The following MED25 variants were observed in gnomAD, a reference collection of about 807,000 sequenced individuals.
MED25 encodes the protein mediator of RNA polymerase II transcription subunit 25.
Under a neutral mutation model 89.4 loss-of-function variants are expected in MED25, and 62 were observed. The ratio of observed to expected loss-of-function variants is 0.69; its 90% CI spans 0.57 to 0.86. MED25 has a LOEUF of 0.86. Among genes scored for constraint, MED25 ranks in the 40% least tolerant of loss-of-function variants. The pLI, the probability that MED25 is intolerant of heterozygous loss-of-function variation, is 0.00. For synonymous variants in MED25, 449 were observed against 427.9 expected (o/e 1.05, Z -0.61); for missense variants, 905 against 1,005.2 (o/e 0.90, Z 1.35).
chr19:49,832,189 CG>C (rs778258798), intron 12 of MED25, 32 bp downstream of exon 12: 2 of 1,608,524 alleles, frequency 1.2e-6, no homozygotes, highest in South Asian at 2.2e-5. Context: ...GCCCTGCTGC[CG>C]GGCAGTCCTC....
chr19:49,822,746 C>T (rs961083185), intron 3 of MED25, among the ~76,000 whole-genome samples: 1 of 143,696 alleles, frequency 7.0e-6, no homozygotes, highest in Non-Finnish European at 1.5e-5. Flanking sequence ...CTCCCGAGTT[C>T]ACGCCATTCT....
rs751198441 is a variant in MED25, at chr19:49,830,203, C to T, written c.804C>T (p.Val268=). 9.3e-6 allele frequency: 15 copies of T among 1,604,906 alleles called. No homozygotes were observed. The highest frequency in any genetic ancestry group is 1.2e-5 in the Non-Finnish European group (14 of 1,174,434). ...CCCCCCAGCAGCCTCTGCCCCCCGT[C>T]CCCCCGCAGTACCAGGTATGGATAT... The part of the protein sequence containing the change: ...SAAPQQPLPP[V]PPQYQVPGNL... Residue 268 remains valine, a synonymous_variant, in exon 7 of 18, where the codon GTC becomes GTT. Coordinates refer to ENST00000312865, the MANE Select transcript of MED25 (RefSeq NM_030973.4). This position sits in a 1 kb window ranked among gnomAD's most constrained non-coding sequence, Gnocchi z 4.6.
At chr19:49,825,374 G>T (rs964481224) in intron 3 of MED25, among the ~76,000 whole-genome samples, 45 of 151,836 alleles carry the variant, frequency 3.0e-4, no homozygotes, top group African/African-American at 1.1e-3. Context: ...TCAGCCTCCC[G>T]AGTAGCTGGG....
rs4483957 is a variant in MED25, at chr19:49,824,033, T to C, written c.306-4416T>C. On this transcript the variant is annotated intron_variant, in intron 3 of 17. Coordinates refer to ENST00000312865, the MANE Select transcript of MED25 (RefSeq NM_030973.4). ...AGACCGGTAAGACAGTCTTGAGTGA[T>C]GTTAAATGGAGACTTCTTGAGGCCC... 8.7e-3 allele frequency among the ~76,000 whole-genome samples: 1,330 copies of C among 152,246 alleles called. 7 individuals are homozygous for C. Among genetic ancestry groups the C allele is most frequent in the Middle Eastern group, 0.024 (7 of 294 alleles).
downstream of MED25, chr19:49,838,808 G>T (rs573495777): frequency 4.0e-5 from 18 of 450,456 alleles, 1 homozygote; most frequent in Non-Finnish European, 8.1e-5. Flanking sequence ...CTGAAAAAGG[G>T]ACTCAAATGT....
Position 49,831,437 on chromosome 19 carries a change from G to A in MED25, c.1206G>A (p.Trp402Ter). The A allele has an allele frequency of 6.2e-7, 1 of 1,612,550 alleles. No homozygotes were observed. The highest frequency in any genetic ancestry group is 8.5e-7 in the Non-Finnish European group (1 of 1,179,444). ...CAGTCTCCAATAAGCTTCTGGCCTG[G>A]AGCGGGGTCCTGGAGTGGCAAGAGG... ...QQSVSNKLLAWSGVLEWQEKP... is the reference protein window; with the variant it reads ...QQSVSNKLLA The change falls in exon 10 of 18, where the codon TGG becomes TGA. Residue 402 changes from tryptophan to a stop codon, truncating the protein, a stop_gained. Coordinates refer to ENST00000312865, the MANE Select transcript of MED25 (RefSeq NM_030973.4). LOFTEE classifies it high-confidence loss of function. The surrounding 1 kb of genome is among the most constrained non-coding windows in gnomAD (Gnocchi z 5.0).
In MED25 at chr19:49,835,196, C is replaced by T. The variant is rs752522; in HGVS notation, c.1674+19C>T. On this transcript the variant is annotated intron_variant, in intron 14 of 17. Transcript: ENST00000312865. The surrounding 1 kb of genome is among the most constrained non-coding windows in gnomAD (Gnocchi z 6.2). ...GCGAGGAGTGAGTGTTGACAGTCCC[C>T]AAACCAGCACTCCGACCCCCTCCTG... 0.14 allele frequency: 220,600 copies of T among 1,613,184 alleles called. 16,058 individuals are homozygous for T. The highest frequency in any genetic ancestry group is 0.15 in the Non-Finnish European group (177,526 of 1,179,532).
At chr19:49,827,097 A>C (rs1461037670) in intron 3 of MED25, among the ~76,000 whole-genome samples, 2 of 152,100 alleles carry the variant, frequency 1.3e-5, no homozygotes, top group Non-Finnish European at 2.9e-5. Context: ...AGGATCAGAG[A>C]CCACACTTCA....
Position 49,835,628 on chromosome 19 carries a change from C to G in MED25, c.1746+23C>G. On this transcript the variant is annotated intron_variant, in intron 15 of 17. Transcript: ENST00000312865. This position sits in a 1 kb window ranked among gnomAD's most constrained non-coding sequence, Gnocchi z 6.2. ...CTGGTGAGGACAGGGCTGGCGGGGT[C>G]GGGGCTGGGTTGGGGAGGCCCCAAG... 1 of 1,555,774 alleles carries G rather than the reference C, an allele frequency of 6.4e-7. No homozygotes were observed. The highest frequency in any genetic ancestry group is 1.2e-5 in the South Asian group (1 of 84,554).
intron 3 of MED25, chr19:49,819,825 ATT>A (rs11288478): frequency 0.02 from 3,306 of 161,768 alleles, no homozygotes; most frequent in South Asian, 0.07. Flanking sequence ...TTGGGTCAGA[ATT>A]TTTTTTTTTT....
intron 3 of MED25, among the ~76,000 whole-genome samples, chr19:49,820,718 G>T (rs985288013): frequency 1.3e-5 from 2 of 152,224 alleles, no homozygotes; most frequent in Admixed American, 1.3e-4. Context: ...CTAATACATA[G>T]AACTTATTTC....
At chr19:49,824,158 A>G (rs961760407) in intron 3 of MED25, among the ~76,000 whole-genome samples, 33 of 152,136 alleles carry the variant, frequency 2.2e-4, no homozygotes, top group African/African-American at 7.5e-4. Flanking sequence ...TCCAGAATGC[A>G]TTTAATACTA....
Position 49,834,641 on chromosome 19 carries a change from C to T in MED25, c.1483-345C>T, listed in dbSNP as rs2074082517. 2.5e-6 allele frequency: 1 copy of T among 392,202 alleles called. No individual in the cohort carries two copies. Among genetic ancestry groups the T allele is most frequent in the Non-Finnish European group, 4.9e-6 (1 of 205,380 alleles). 24.3% of individuals were successfully genotyped at this position (392,202 alleles called of 1,614,324 possible). ...CCACGCTGTGCATCTAGGCCGCTCT[C>T]CCGGCCGTGACCCTCAGCCGCCCTC... On this transcript the variant is annotated intron_variant, in intron 13 of 17. Transcript: ENST00000312865. This position sits in a 1 kb window ranked among gnomAD's most constrained non-coding sequence, Gnocchi z 4.1.
chr19:49,836,315 C>T lies in MED25; in HGVS notation c.2055C>T (p.Gly685=). ...CGCTGCTGCCTCCGCCGCACCAGGG[C>T]CTGGGGCAGCCCCAGTTGGGGCCCC... ...APALLPPPHQ[G]LGQPQLGPPL... The change falls in exon 17 of 18, where the codon GGC becomes GGT. Residue 685 remains glycine (G), a synonymous_variant. Coordinates refer to ENST00000312865, the MANE Select transcript of MED25 (RefSeq NM_030973.4). This position sits in a 1 kb window ranked among gnomAD's most constrained non-coding sequence, Gnocchi z 5.1. 6.2e-7 allele frequency: 1 copy of T among 1,611,092 alleles called. No homozygotes were observed. Among genetic ancestry groups the T allele is most frequent in the Non-Finnish European group, 8.5e-7 (1 of 1,179,158 alleles).
At chr19:49,838,292 TCA>T (rs144519267), downstream of MED25, 141 of 312,430 alleles carry the variant, frequency 4.5e-4, no homozygotes, top group South Asian at 1.0e-3. Flanking sequence ...TCAGGTTAAT[TCA>T]CACACACACA....
Position 49,829,043 on chromosome 19 carries a change from A to T in MED25, c.478A>T (p.Thr160Ser), listed in dbSNP as rs1568622200. The T allele has an allele frequency of 6.2e-7, 1 of 1,614,020 alleles. No individual in the cohort carries two copies. The highest frequency in any genetic ancestry group is 8.5e-7 in the Non-Finnish European group (1 of 1,179,984). Reference protein sequence around the residue: ...PYLLPAVESTTYSGCTTENLV... With the variant: ...PYLLPAVESTSYSGCTTENLV... ...CTTGTTGCCTGCTGTTGAGAGCACC[A>T]CGTACTCTGGATGCACAACTGAGAA... Residue 160 changes from threonine to serine, a missense_variant, in exon 5 of 18, where the codon ACG becomes TCG. Transcript: ENST00000312865. The surrounding 1 kb of genome is among the most constrained non-coding windows in gnomAD (Gnocchi z 4.6).
rs368800052 is a variant in MED25 at position 49,828,950 on chromosome 19, T to A, written c.405-20T>A. ...GGCCTCTGTTGCTGCTGGCTCCATGTCTTCTCTCTTTCCTGGTAGTGGCCA... is the reference window on the plus strand; with the variant it reads ...GGCCTCTGTTGCTGCTGGCTCCATGACTTCTCTCTTTCCTGGTAGTGGCCA... On this transcript the variant is annotated intron_variant, in intron 4 of 17. Transcript: ENST00000312865. 5.0e-6 allele frequency: 8 copies of A among 1,613,758 alleles called. No homozygotes were observed. The African/African-American group carries it at 1.1e-4, about 22-fold the overall frequency.
At chr19:49,822,438 A>G (rs1256107134) in intron 3 of MED25, among the ~76,000 whole-genome samples, 2 of 151,728 alleles carry the variant, frequency 1.3e-5, no homozygotes, top group Non-Finnish European at 2.9e-5. Context: ...CCTGTCTCAA[A>G]AAAAAATTGT....
intron 3 of MED25, among the ~76,000 whole-genome samples, chr19:49,826,214 A>G (rs1057045609): frequency 1.3e-5 from 2 of 151,750 alleles, no homozygotes; most frequent in African/African-American, 4.8e-5. Context: ...GGTGGCGGGC[A>G]CCTGTGGTCC....
Sources: allele counts gnomAD v4.1 joint callset (sites outside exome capture counted in the v4.1 genomes callset), GRCh38; gene constraint gnomAD v4.1.1; non-coding constraint Gnocchi (gnomAD v3.1); transcripts MANE v1.5; gene names NCBI Gene and HGNC (gene_info 2026-07-23, HGNC 2026-07-21).